Variants in SCN11A observed in about 807,000 individuals in gnomAD.
SCN11A encodes sodium voltage-gated channel alpha subunit 11, also known as sodium channel protein type 11 subunit alpha.
Under a neutral mutation model 162.2 loss-of-function variants are expected in SCN11A, and 122 were observed. The ratio of observed to expected loss-of-function variants is 0.75; its 90% CI spans 0.65 to 0.87. SCN11A has a LOEUF of 0.87. SCN11A is among the 40% of genes least tolerant of loss of function. The pLI is 0.00. For synonymous variants in SCN11A, 758 were observed against 751.5 expected, an observed-to-expected ratio of 1.01 and a Z score of -0.14; for missense variants, 2,015 against 2,181.6, an observed-to-expected ratio of 0.92 and a Z score of 1.52.
At chr3:38,887,028 G>C (rs1344391598) in intron 19 of SCN11A, among the ~76,000 whole-genome samples, 1 of 152,100 alleles carries the variant, frequency 6.6e-6, no homozygotes, top group Non-Finnish European at 1.5e-5. Flanking sequence ...AATGTGCTGT[G>C]AGCCTCCACT....
intron 2 of SCN11A, among the ~76,000 whole-genome samples, chr3:39,007,983 G>C (rs1196840467): frequency 1.3e-5 from 2 of 152,204 alleles, no homozygotes; most frequent in East Asian, 3.9e-4. Context: ...ACTCTGGACA[G>C]TTAGTGTCAG....
In SCN11A at chr3:38,897,156, C is replaced by T. The variant is rs1475590387; in HGVS notation, c.2092G>A (p.Val698Ile). 4 of 1,614,004 alleles carry T rather than the reference C, an allele frequency of 2.5e-6. No individual in the cohort carries two copies. In the Admixed American group the frequency reaches 5.0e-5, roughly 20 times the overall value. The change falls in exon 18 of 30, where the codon GTC (valine) becomes ATC (isoleucine). Residue 698 changes from valine (V) to isoleucine (I), a missense_variant. Val to Ile is a conservative substitution (Grantham distance 29). Transcript: ENST00000302328. ...NTLIKIIGNS[V>I]GALGSLTVVL... ...ACAGTCAGGCTTCCAAGGGCTCCGA[C>T]AGAGTTGCCGATTATCTTAATTAGT... is the stretch of plus-strand genomic sequence containing the variant.
intron 7 of SCN11A, among the ~76,000 whole-genome samples, chr3:38,943,377 T>C (rs1289884399): frequency 6.6e-6 from 1 of 152,160 alleles, no homozygotes; most frequent in Non-Finnish European, 1.5e-5. Context: ...GTAATTGAAA[T>C]GGTCTATATA....
At chr3:38,908,568 T>C (rs187939846) in intron 13 of SCN11A, among the ~76,000 whole-genome samples, 11 of 152,288 alleles carry the variant, frequency 7.2e-5, no homozygotes, top group Admixed American at 7.2e-4. Flanking sequence ...GAATGGCCTA[T>C]AAATAAGACA....
chr3:38,925,617 A>G, intron 8 of SCN11A, 108 bp from the exon 9 acceptor site: 1 of 710,238 alleles, frequency 1.4e-6, no homozygotes, highest in Non-Finnish European at 2.5e-6. Context: ...GTGACCTCCA[A>G]GGTGAAATCG....
In SCN11A at chr3:38,899,824, T is replaced by C; in HGVS notation, c.2022+70A>G. ...TTAAAGTTTAGTACAAGATAACCAC[T>C]GAACTCACTCAAAACGTTTTTTCCA... is the stretch of plus-strand genomic sequence containing the variant. On this transcript the variant is annotated intron_variant, in intron 17 of 29. Transcript: ENST00000302328. 2.4e-6 allele frequency: 3 copies of C among 1,271,098 alleles called. No homozygotes were observed. The South Asian group carries it at 4.0e-5, about 17-fold the overall frequency. The allele number at this position is 1,271,098 out of a possible 1,614,324, so 78.7% of individuals were successfully genotyped here.
At chr3:39,025,124 G>GC (rs980583942) in intron 2 of SCN11A, among the ~76,000 whole-genome samples, 1 of 152,074 alleles carries the variant, frequency 6.6e-6, no homozygotes, top group African/African-American at 2.4e-5. Flanking sequence ...GCTTCTAAGA[G>GC]CCCCCCTTAA....
chr3:38,890,624 C>G (rs2065483769), intron 19 of SCN11A, among the ~76,000 whole-genome samples: 1 of 152,228 alleles, frequency 6.6e-6, no homozygotes, highest in Non-Finnish European at 1.5e-5. Flanking sequence ...AATTTATGCC[C>G]CATGGCATTG....
chr3:38,926,705 A>G, intron 8 of SCN11A, 98 bp downstream of exon 8: 1 of 1,243,764 alleles, frequency 8.0e-7, no homozygotes, highest in Non-Finnish European at 1.1e-6. Context: ...ACTAGGCCAT[A>G]CTCAGCCACT....
At chr3:39,046,417 T>C (rs1006574361) in intron 1 of SCN11A, among the ~76,000 whole-genome samples, 3 of 152,192 alleles carry the variant, frequency 2.0e-5, no homozygotes, top group Non-Finnish European at 4.4e-5. Context: ...ACTGAATTAA[T>C]ATTGTTAAAA....
At chr3:38,874,870 A>C (rs1418547252) in intron 23 of SCN11A, among the ~76,000 whole-genome samples, 1 of 152,224 alleles carries the variant, frequency 6.6e-6, no homozygotes, top group Non-Finnish European at 1.5e-5. Context: ...GAATACAAAA[A>C]TAAAAGTTTT....
intron 7 of SCN11A, among the ~76,000 whole-genome samples, chr3:38,940,792 A>T (rs2066431506): frequency 6.6e-6 from 1 of 152,212 alleles, no homozygotes; most frequent in Non-Finnish European, 1.5e-5. Context: ...CCACGGGCAT[A>T]GAGGAAAGTT....
intron 2 of SCN11A, among the ~76,000 whole-genome samples, chr3:39,026,414 G>A (rs946940349): frequency 3.9e-5 from 6 of 152,136 alleles, no homozygotes; most frequent in African/African-American, 1.4e-4. Flanking sequence ...AACCTCGCCG[G>A]GTCGTGGGAG....
chr3:39,014,716 GAATCCTATA>G (rs1158169331), intron 2 of SCN11A, among the ~76,000 whole-genome samples: 1 of 152,122 alleles, frequency 6.6e-6, no homozygotes, highest in African/African-American at 2.4e-5. Context: ...GGGTGAATAG[GAATCCTATA>G]AATCCATGGA....
intron 23 of SCN11A, among the ~76,000 whole-genome samples, chr3:38,872,643 G>A (rs1025040397): frequency 6.6e-6 from 1 of 152,106 alleles, no homozygotes; most frequent in Non-Finnish European, 1.5e-5. Flanking sequence ...TGGTGAATTT[G>A]AAAAATTTGA....
At chr3:38,902,452 T>C (rs1277944410) in intron 16 of SCN11A, among the ~76,000 whole-genome samples, 1 of 152,124 alleles carries the variant, frequency 6.6e-6, no homozygotes, top group East Asian at 1.9e-4. Flanking sequence ...ACAGTTCCAC[T>C]GTATCACTGC....
chr3:39,034,993 G>T (rs1488314869), intron 1 of SCN11A, among the ~76,000 whole-genome samples: 8 of 152,074 alleles, frequency 5.3e-5, no homozygotes, highest in Non-Finnish European at 7.4e-5. Flanking sequence ...TGGATTGGAA[G>T]AATTAATATT....
intron 7 of SCN11A, among the ~76,000 whole-genome samples, chr3:38,938,499 G>A (rs2066373253): frequency 2.3e-5 from 2 of 87,366 alleles, no homozygotes; most frequent in Admixed American, 1.5e-4. Flanking sequence ...GAAGGCAGAA[G>A]GAAAAATATC....
chr3:38,865,615 A>G (rs950553127), intron 27 of SCN11A, among the ~76,000 whole-genome samples: 3 of 152,124 alleles, frequency 2.0e-5, no homozygotes, highest in Non-Finnish European at 4.4e-5. Flanking sequence ...TACAATTAAA[A>G]AAAAGCCAAA....
Sources: allele counts gnomAD v4.1 joint callset (sites outside exome capture counted in the v4.1 genomes callset), GRCh38; gene constraint gnomAD v4.1.1; transcripts MANE v1.5; gene names NCBI Gene and HGNC (gene_info 2026-07-23, HGNC 2026-07-21).